Variants in ADAM7 observed in about 807,000 individuals in gnomAD.
ADAM7 encodes disintegrin and metalloproteinase domain-containing protein 7.
Under a neutral mutation model 102.9 loss-of-function variants are expected in ADAM7, and 97 were observed. The observed-to-expected ratio is 0.94, with a 90% confidence interval of 0.80 to 1.12. ADAM7 has a LOEUF of 1.12. ADAM7 is among the 50% of genes most tolerant of loss of function. ADAM7 has a pLI of 0.00. For synonymous variants in ADAM7, 334 were observed against 304.4 expected (o/e 1.10, Z -1.01); for missense variants, 991 against 908.7 (o/e 1.09, Z -1.16).
In ADAM7 at chr8:24,443,939, A is replaced by AAAAATAAAAT. The variant is rs144352481; in HGVS notation, c.156+1393_156+1402dup. Among the ~76,000 whole-genome samples the AAAAATAAAAT allele has an allele frequency of 3.0e-3, 443 of 145,656 alleles. 2 individuals are homozygous for AAAAATAAAAT. The highest frequency in any genetic ancestry group is 9.4e-3 in the African/African-American group (373 of 39,486). ...ACAGAGCAAGACTCTCTCAAAAAAT[A>AAAAATAAAAT]AAAATAAAATAAAATAAAATAAAAT... On this transcript the variant is annotated intron_variant, in intron 2 of 21. Transcript: ENST00000175238.
chr8:24,477,028 T>C (rs748314964), intron 8 of ADAM7, among the ~76,000 whole-genome samples: 2 of 152,130 alleles, frequency 1.3e-5, no homozygotes, highest in Non-Finnish European at 2.9e-5. Context: ...GCCCTATTAC[T>C]AGGATAAAGA....
intron 20 of ADAM7, among the ~76,000 whole-genome samples, chr8:24,503,927 G>C (rs1585935482): frequency 6.6e-6 from 1 of 151,842 alleles, no homozygotes; most frequent in Non-Finnish European, 1.5e-5. Context: ...CCTAATGTAG[G>C]TGACAAGTTG....
rs1384314112 is a variant in ADAM7 at position 24,479,069 on chromosome 8, TTTTATTGAGAGCCAGCACCTCAGCACG to T, written c.705+2587_705+2613del. Among the ~76,000 whole-genome samples the T allele has an allele frequency of 5.9e-5, 9 of 152,228 alleles. No individual in the cohort carries two copies. The South Asian group carries it at 6.2e-4, about 11-fold the overall frequency. On this transcript the variant is annotated intron_variant, in intron 8 of 21. Transcript: ENST00000175238. ...TTCTGTTCCTTTCTCGACTTTAGGCTTTTATTGAGAGCCAGCACCTCAGCACGTTTATTGAGAGCCAGCACCTCCCTT... is the reference window on the plus strand; with the variant it reads ...TTCTGTTCCTTTCTCGACTTTAGGCTTTTATTGAGAGCCAGCACCTCCCTT...
At chr8:24,499,820 AC>A (rs879286603) in intron 17 of ADAM7, among the ~76,000 whole-genome samples, 1,406 of 133,596 alleles carry the variant, frequency 0.011, 9 homozygotes, top group Middle Eastern at 0.031. Flanking sequence ...ACACACACAC[AC>A]ACACACATCA....
intron 20 of ADAM7, among the ~76,000 whole-genome samples, chr8:24,503,727 G>A (rs563980742): frequency 1.3e-5 from 2 of 152,146 alleles, no homozygotes; most frequent in South Asian, 2.1e-4. Flanking sequence ...TCCTTTGCAG[G>A]GACATGGATG....
At chr8:24,494,782 T>C (rs1028327886) in intron 16 of ADAM7, among the ~76,000 whole-genome samples, 2 of 152,200 alleles carry the variant, frequency 1.3e-5, no homozygotes, top group Non-Finnish European at 2.9e-5. Context: ...CTTATTCAAA[T>C]CTGTTGTTTT....
At chr8:24,475,954 T>C (rs761203624) in intron 7 of ADAM7, 4 of 456,506 alleles carry the variant, frequency 8.8e-6, no homozygotes, top group South Asian at 6.2e-5. Flanking sequence ...TACAGTTTCC[T>C]GTCCCTCTTC....
At chr8:24,481,092 AAAC>A (rs147899858) in intron 8 of ADAM7, among the ~76,000 whole-genome samples, 2,021 of 151,572 alleles carry the variant, frequency 0.013, 39 homozygotes, top group African/African-American at 0.045. Context: ...ACAAACAAAC[AAAC>A]AATTCAGGGC....
At chr8:24,502,902 A>G (rs1221786111) in intron 20 of ADAM7, among the ~76,000 whole-genome samples, 1 of 96,016 alleles carries the variant, frequency 1.0e-5, no homozygotes, top group East Asian at 2.1e-4. Context: ...GCCTACCTAT[A>G]AAAGTCATTA....
rs745503970 is a variant in ADAM7, at chr8:24,466,960, A to T, written c.551A>T (p.Asn184Ile). 6.2e-7 allele frequency: 1 copy of T among 1,614,048 alleles called. No homozygotes were observed. Among genetic ancestry groups the T allele is most frequent in the Admixed American group, 1.7e-5 (1 of 60,016 alleles). Residue 184 changes from asparagine (N) to isoleucine (I), a missense_variant, in exon 6 of 22, where the codon AAT becomes ATT. Physicochemically the swap from Asn to Ile is moderately radical, Grantham distance 149. Coordinates refer to ENST00000175238, the MANE Select transcript of ADAM7 (RefSeq NM_003817.4). ...NFTRKTVPGD[N>I]ESEEDSKIKG... Reference sequence around the variant, plus strand: ...ACCAGAAAAACTGTTCCAGGGGATAATGAATCTGAAGAAGACTCCAAAATA... The same window carrying T: ...ACCAGAAAAACTGTTCCAGGGGATATTGAATCTGAAGAAGACTCCAAAATA...
chr8:24,480,762 C>T (rs1413162448), intron 8 of ADAM7, among the ~76,000 whole-genome samples: 1 of 151,996 alleles, frequency 6.6e-6, no homozygotes, highest in East Asian at 1.9e-4. Context: ...GGTCAAGATC[C>T]TGGTGTGGTG....
chr8:24,445,219 G>T (rs919044493), intron 2 of ADAM7, among the ~76,000 whole-genome samples: 1 of 151,886 alleles, frequency 6.6e-6, no homozygotes, highest in Admixed American at 6.6e-5. Flanking sequence ...TCATCATGTT[G>T]CAAAATGTGA....
rs1042413052 is a variant in ADAM7 at position 24,450,081 on chromosome 8, C to T, written c.233+2819C>T. Among the ~76,000 whole-genome samples the T allele has an allele frequency of 4.6e-5, 7 of 152,080 alleles. No homozygotes were observed. In the East Asian group the frequency reaches 1.2e-3, roughly 25 times the overall value. On this transcript the variant is annotated intron_variant, in intron 3 of 21. Transcript: ENST00000175238. ...TGTAGTGTAGTTTGAAGTCAGGTAG[C>T]ATGATGCCTCCAGCTTTGTTCTTTT...
chr8:24,468,758 A>C lies in ADAM7; in HGVS notation c.580-9A>C. 6.2e-7 allele frequency: 1 copy of C among 1,612,810 alleles called. No individual in the cohort carries two copies. ...CTATACTTCAACTGAATTTTCCCTA[A>C]CTTTACAGGGCATCCATGATGAAAA... On this transcript the variant is annotated splice_polypyrimidine_tract_variant and intron_variant, in intron 6 of 21. Coordinates refer to ENST00000175238, the MANE Select transcript of ADAM7 (RefSeq NM_003817.4).
intron 3 of ADAM7, among the ~76,000 whole-genome samples, chr8:24,449,928 T>C (rs541999752): frequency 6.6e-6 from 1 of 152,344 alleles, no homozygotes; most frequent in Non-Finnish European, 1.5e-5. Flanking sequence ...ATTGCTTGTT[T>C]TTCTCAGGTT....
chr8:24,455,497 C>T (rs1000583295), intron 3 of ADAM7, among the ~76,000 whole-genome samples: 1 of 152,196 alleles, frequency 6.6e-6, no homozygotes, highest in African/African-American at 2.4e-5. Context: ...TGATCTCAAC[C>T]TCCTGGGCTC....
intron 7 of ADAM7, among the ~76,000 whole-genome samples, chr8:24,471,989 G>A (rs995307671): frequency 2.0e-5 from 3 of 151,636 alleles, no homozygotes; most frequent in Admixed American, 2.0e-4. Context: ...TATATCTTAT[G>A]ATTTTAATAG....
intron 14 of ADAM7, 133 bp downstream of exon 14, chr8:24,492,231 C>A: frequency 1.1e-6 from 1 of 901,004 alleles, no homozygotes; most frequent in Non-Finnish European, 1.7e-6. Flanking sequence ...CTTAGCATTT[C>A]TCTGGATATT....
chr8:24,465,082 G>A (rs952847684), intron 4 of ADAM7, among the ~76,000 whole-genome samples: 4 of 152,204 alleles, frequency 2.6e-5, no homozygotes, highest in Admixed American at 1.3e-4. Context: ...ACCATGCCCA[G>A]CAGCAAATGT....
Sources: allele counts gnomAD v4.1 joint callset (sites outside exome capture counted in the v4.1 genomes callset), GRCh38; gene constraint gnomAD v4.1.1; transcripts MANE v1.5; gene names NCBI Gene and HGNC (gene_info 2026-07-23, HGNC 2026-07-21).